PSD3: variants seen among roughly 807,000 people sequenced by gnomAD.
PSD3 encodes pleckstrin and Sec7 domain containing 3, also known as PH and SEC7 domain-containing protein 3.
PSD3 carries 49 observed loss-of-function variants against 105.5 expected under a neutral mutation model. That is an observed-to-expected ratio of 0.46 (90% CI 0.37 to 0.59). The LOEUF (loss-of-function observed/expected upper bound fraction) is 0.59. PSD3 is among the 20% of genes least tolerant of loss of function. The probability of loss-of-function intolerance (pLI) is 0.00; values close to 1 mark genes in which losing one functional copy is unlikely to be tolerated. For synonymous variants in PSD3, 557 were observed against 457.8 expected (o/e 1.22, Z -2.77); for missense variants, 1,561 against 1,263.8 (o/e 1.24, Z -3.57).
At chr8:18,752,280 G>T (rs940553869) in intron 9 of PSD3, among the ~76,000 whole-genome samples, 1 of 150,010 alleles carries the variant, frequency 6.7e-6, no homozygotes, top group African/African-American at 2.5e-5. Flanking sequence ...ACGGAAAACT[G>T]AAATTATTTC....
chr8:18,949,252 T>TATATATATATATATATACAC (rs1277022208), intron 1 of PSD3, among the ~76,000 whole-genome samples: 3 of 59,650 alleles, frequency 5.0e-5, no homozygotes, highest in African/African-American at 2.2e-4. Flanking sequence ...AAAATATATA[T>TATATATATATATATATACAC]ATATATATAT....
At chr8:18,817,349 A>C (rs1457855532) in intron 4 of PSD3, among the ~76,000 whole-genome samples, 1 of 152,146 alleles carries the variant, frequency 6.6e-6, no homozygotes, top group Non-Finnish European at 1.5e-5. Context: ...CCATCACATC[A>C]TCTAAGGGTC....
At chr8:18,803,884 T>C (rs1337971086) in intron 6 of PSD3, among the ~76,000 whole-genome samples, 1 of 152,082 alleles carries the variant, frequency 6.6e-6, no homozygotes, top group Non-Finnish European at 1.5e-5. Context: ...ATTATGAATG[T>C]TTTTAATGCC....
intron 1 of PSD3, among the ~76,000 whole-genome samples, chr8:19,001,455 G>C (rs1255195913): frequency 6.6e-6 from 1 of 150,776 alleles, no homozygotes; most frequent in Non-Finnish European, 1.5e-5. Context: ...ATTTGTTGCA[G>C]TCAATGCACC....
intron 2 of PSD3, among the ~76,000 whole-genome samples, chr8:18,886,155 A>G (rs1818439580): frequency 6.6e-6 from 1 of 152,182 alleles, no homozygotes; most frequent in Non-Finnish European, 1.5e-5. Flanking sequence ...GAGCAGACAT[A>G]GGGTGACAGA....
intron 2 of PSD3, among the ~76,000 whole-genome samples, chr8:18,905,049 G>C (rs1262491957): frequency 6.6e-6 from 1 of 152,116 alleles, no homozygotes; most frequent in East Asian, 1.9e-4. Context: ...TATAAGAAAG[G>C]TACTAGCTTT....
Position 18,804,600 on chromosome 8 carries a change from T to C in PSD3, c.1832A>G (p.Asn611Ser). 2 of 1,612,974 alleles carry C rather than the reference T, an allele frequency of 1.2e-6. No homozygotes were observed. The highest frequency in any genetic ancestry group is 1.7e-6 in the Non-Finnish European group (2 of 1,179,088). ...TTCTGCAACTAGTTTGCTAAATTCGTTGCTATAAGAAAACAGAATAGACTT... is the reference window on the plus strand; with the variant it reads ...TTCTGCAACTAGTTTGCTAAATTCGCTGCTATAAGAAAACAGAATAGACTT... ...SDVAKHLGKN[N>S]EFSKLVAEEY... Residue 611 changes from asparagine to serine, a missense_variant and splice_region_variant, in exon 6 of 16, where the codon AAC becomes AGC. By Grantham distance (46) the Asn-to-Ser change is conservative (BLOSUM62 1). Coordinates refer to ENST00000327040, the MANE Select transcript of PSD3 (RefSeq NM_015310.4).
At chr8:18,715,716 A>T (rs1802540121) in intron 9 of PSD3, among the ~76,000 whole-genome samples, 1 of 152,182 alleles carries the variant, frequency 6.6e-6, no homozygotes, top group African/African-American at 2.4e-5. Flanking sequence ...TCTAGAACCC[A>T]TGGCAAACAC....
At chr8:18,618,559 C>G (rs563854002) in intron 11 of PSD3, among the ~76,000 whole-genome samples, 48 of 151,744 alleles carry the variant, frequency 3.2e-4, no homozygotes, top group Admixed American at 1.1e-3. Flanking sequence ...TAAACTGTTT[C>G]TAAAATGATG....
intron 9 of PSD3, among the ~76,000 whole-genome samples, chr8:18,724,364 C>T (rs1406584515): frequency 6.6e-6 from 1 of 152,146 alleles, no homozygotes; most frequent in Non-Finnish European, 1.5e-5. Flanking sequence ...GTAATCCCAG[C>T]ATTTTGGTAG....
chr8:18,801,231 T>G (rs773563853), intron 7 of PSD3, 39 bp downstream of exon 7: 5 of 1,258,922 alleles, frequency 4.0e-6, no homozygotes, highest in Admixed American at 4.2e-5. Context: ...AAATAACCAT[T>G]GATATAAAAA....
intron 2 of PSD3, among the ~76,000 whole-genome samples, chr8:18,876,301 T>C (rs1045432848): frequency 6.6e-6 from 1 of 152,192 alleles, no homozygotes; most frequent in Middle Eastern, 3.2e-3. Flanking sequence ...CATTCATCAG[T>C]TGATGAGATA....
At chr8:18,959,330 G>A (rs915085651) in intron 1 of PSD3, among the ~76,000 whole-genome samples, 1 of 152,098 alleles carries the variant, frequency 6.6e-6, no homozygotes, top group South Asian at 2.1e-4. Flanking sequence ...AAAGCCAGAA[G>A]ATGCATGAAT....
At chr8:18,913,068 A>AACAC (rs1188033210) in intron 2 of PSD3, among the ~76,000 whole-genome samples, 9 of 113,182 alleles carry the variant, frequency 8.0e-5, no homozygotes, top group Non-Finnish European at 1.7e-4. Context: ...CAACTTTATA[A>AACAC]ACACACACAC....
At chr8:18,640,088 T>C (rs1426976934) in intron 10 of PSD3, among the ~76,000 whole-genome samples, 1 of 152,150 alleles carries the variant, frequency 6.6e-6, no homozygotes, top group East Asian at 1.9e-4. Flanking sequence ...AAACAGCTCT[T>C]GGAAGCAGAC....
chr8:18,581,294 G>T (rs1346431318), intron 12 of PSD3, among the ~76,000 whole-genome samples: 2 of 152,120 alleles, frequency 1.3e-5, no homozygotes, highest in Non-Finnish European at 2.9e-5. Flanking sequence ...AATAATATTT[G>T]TCTTTTCTTC....
intron 4 of PSD3, among the ~76,000 whole-genome samples, chr8:18,864,071 C>T (rs1381950092): frequency 6.6e-6 from 1 of 152,174 alleles, no homozygotes; most frequent in Non-Finnish European, 1.5e-5. Context: ...AAAGTAAAGA[C>T]AGATCTTGAA....
intron 8 of PSD3, chr8:18,774,742 C>A: frequency 2.7e-6 from 1 of 367,650 alleles, no homozygotes; most frequent in South Asian, 2.1e-5. Context: ...TGGCTAATGA[C>A]GGTGAGAACA....
chr8:18,642,305 G>C (rs1807707342), intron 10 of PSD3, among the ~76,000 whole-genome samples: 1 of 152,064 alleles, frequency 6.6e-6, no homozygotes, highest in East Asian at 1.9e-4. Flanking sequence ...GAGTATTCTT[G>C]ATCTGGCTAA....
Sources: gnomAD v4.1 joint callset for allele counts (sites outside exome capture counted in the v4.1 genomes callset) on GRCh38, gnomAD v4.1.1 for gene constraint, MANE v1.5 for transcripts, NCBI Gene and HGNC (gene_info 2026-07-23, HGNC 2026-07-21) for gene names.